The following ENPP2 variants were observed in gnomAD, a reference collection of about 807,000 sequenced individuals.
ENPP2 encodes the protein autotaxin.
ENPP2 carries 51 observed loss-of-function variants against 120.2 expected under a neutral mutation model. The ratio of observed to expected loss-of-function variants is 0.42; its 90% CI spans 0.34 to 0.54. The LOEUF (loss-of-function observed/expected upper bound fraction) is 0.54. ENPP2 is among the 20% of genes least tolerant of loss of function. The pLI, the probability that ENPP2 is intolerant of heterozygous loss-of-function variation, is 0.04. For missense variants in ENPP2, 920 were observed against 1,066.5 expected, an observed-to-expected ratio of 0.86 and a Z score of 1.91; for synonymous variants, 365 against 366.4, an observed-to-expected ratio of 1.00 and a Z score of 0.04.
intron 1 of ENPP2, among the ~76,000 whole-genome samples, chr8:119,644,657 T>G (rs1178636815): frequency 2.8e-5 from 4 of 140,546 alleles, no homozygotes; most frequent in Admixed American, 7.4e-5. Context: ...CATATAGATA[T>G]ATATATATAT....
upstream of ENPP2, chr8:119,638,996 C>T (rs1165932375): frequency 6.4e-6 from 1 of 157,310 alleles, no homozygotes; most frequent in East Asian, 1.9e-4. Context: ...CCCTTATCCC[C>T]GCCCCCTTAC....
chr8:119,603,482 G>A (rs997272492), intron 9 of ENPP2, among the ~76,000 whole-genome samples: 3 of 152,198 alleles, frequency 2.0e-5, no homozygotes, highest in Non-Finnish European at 4.4e-5. Context: ...TGAGGCCAGA[G>A]TGCTTGGGTT....
chr8:119,668,709 G>A (rs1818153809), intron 1 of ENPP2, among the ~76,000 whole-genome samples: 1 of 152,160 alleles, frequency 6.6e-6, no homozygotes, highest in African/African-American at 2.4e-5. Context: ...TTACAGGCAT[G>A]AGCCACTGCA....
intron 19 of ENPP2, among the ~76,000 whole-genome samples, chr8:119,577,548 G>A (rs1162696240): frequency 6.6e-6 from 1 of 152,250 alleles, no homozygotes; most frequent in Non-Finnish European, 1.5e-5. Flanking sequence ...AGGAGAAAGA[G>A]CATTGAGGTT....
chr8:119,661,585 G>T (rs1817922299), intron 1 of ENPP2, among the ~76,000 whole-genome samples: 1 of 152,154 alleles, frequency 6.6e-6, no homozygotes, highest in Admixed American at 6.5e-5. Context: ...GTAAATTAGT[G>T]CAATCATTAA....
chr8:119,645,878 GACC>G, intron 1 of ENPP2, among the ~76,000 whole-genome samples: 1 of 150,474 alleles, frequency 6.6e-6, no homozygotes, highest in Non-Finnish European at 1.5e-5. Context: ...TGTCCCCTCT[GACC>G]ACCATTTCAT....
rs1587441663 is a variant in ENPP2 at position 119,600,373 on chromosome 8, T to C, written c.972+305A>G. Among the ~76,000 whole-genome samples the C allele has an allele frequency of 3.9e-5, 6 of 152,294 alleles. 1 individual carries two copies. Among genetic ancestry groups the C allele is most frequent in the African/African-American group, 1.4e-4 (6 of 41,540 alleles). On this transcript the variant is annotated intron_variant, in intron 11 of 24. Coordinates refer to ENST00000075322, the MANE Select transcript of ENPP2 (RefSeq NM_001040092.3). ...TAGCCCATTGAAGGCAAATGCCAAC[T>C]CTTCCGAATTATTCACCCTCCAACT...
chr8:119,570,866 T>C, intron 19 of ENPP2, 25 bp from the exon 20 acceptor site: 1 of 1,467,966 alleles, frequency 6.8e-7, no homozygotes, highest in African/African-American at 1.5e-5. Flanking sequence ...AAATAAACTG[T>C]GTTAGGTGCA....
chr8:119,596,530 AG>A (rs1213876552), intron 11 of ENPP2, among the ~76,000 whole-genome samples: 2 of 151,948 alleles, frequency 1.3e-5, no homozygotes, highest in African/African-American at 4.8e-5. Context: ...TTCATTGGCA[AG>A]GATCCAGTGA....
chr8:119,634,781 G>A (rs1029392553), intron 2 of ENPP2, among the ~76,000 whole-genome samples: 2 of 151,996 alleles, frequency 1.3e-5, no homozygotes, highest in African/African-American at 4.8e-5. Flanking sequence ...TGATTTTATT[G>A]ATTCAAAAAT....
chr8:119,631,874 T>A (rs1816707572), intron 2 of ENPP2, among the ~76,000 whole-genome samples: 1 of 152,124 alleles, frequency 6.6e-6, no homozygotes, highest in African/African-American at 2.4e-5. Flanking sequence ...TCAGTATACT[T>A]GGAGTCTTCA....
chr8:119,660,431 A>G (rs573939976), intron 1 of ENPP2, among the ~76,000 whole-genome samples: 1 of 152,320 alleles, frequency 6.6e-6, no homozygotes, highest in East Asian at 1.9e-4. Context: ...CCAGAGCCTG[A>G]GCACTTTACC....
At chr8:119,625,999 C>T (rs368701313) in intron 3 of ENPP2, among the ~76,000 whole-genome samples, 13 of 151,850 alleles carry the variant, frequency 8.6e-5, no homozygotes, top group South Asian at 2.1e-4. Context: ...AGTTACTGTA[C>T]GATAAGATGA....
chr8:119,588,971 T>C (rs1813313308), intron 13 of ENPP2, among the ~76,000 whole-genome samples: 1 of 152,174 alleles, frequency 6.6e-6, no homozygotes, highest in South Asian at 2.1e-4. Context: ...TCCTCGAAGC[T>C]AGTTCCCTCA....
intron 4 of ENPP2, 135 bp downstream of exon 4, chr8:119,621,259 G>A (rs1315543293): frequency 1.4e-6 from 1 of 717,116 alleles, no homozygotes; most frequent in Admixed American, 2.5e-5. Context: ...AGAAGCATGA[G>A]AAATTAAAAA....
chr8:119,651,408 T>C lies in ENPP2; in HGVS notation c.22-12881A>G, dbSNP rs116082451. 9.7e-3 allele frequency among the ~76,000 whole-genome samples: 1,473 copies of C among 152,324 alleles called. 24 individuals carry two copies. The highest frequency in any genetic ancestry group is 0.034 in the African/African-American group (1,397 of 41,574). ...AGTGCATAATTTAATATTTATAAAA[T>C]CTTCACAGTATTATCATTGTGAATA... On this transcript the variant is annotated intron_variant, in intron 1 of 25. Transcript: ENST00000427067.
intron 1 of ENPP2, among the ~76,000 whole-genome samples, chr8:119,656,369 C>T (rs1181526433): frequency 1.3e-5 from 2 of 152,178 alleles, no homozygotes; most frequent in East Asian, 3.8e-4. Flanking sequence ...ACTGACAGAG[C>T]TGGGAGCGAT....
At chr8:119,673,162 C>A in intron 1 of ENPP2, 2 of 1,186,536 alleles carry the variant, frequency 1.7e-6, no homozygotes, top group Non-Finnish European at 2.4e-6. Flanking sequence ...CCTGGAGGCC[C>A]TTTGCAAGGT....
intron 24 of ENPP2, among the ~76,000 whole-genome samples, chr8:119,558,434 G>A (rs1448933254): frequency 6.6e-6 from 1 of 152,058 alleles, no homozygotes; most frequent in Non-Finnish European, 1.5e-5. Context: ...GAAGCGGGGG[G>A]AAAGGTAAAG....
Sources: allele counts gnomAD v4.1 joint callset (sites outside exome capture counted in the v4.1 genomes callset), GRCh38; gene constraint gnomAD v4.1.1; transcripts MANE v1.5; gene names NCBI Gene and HGNC (gene_info 2026-07-23, HGNC 2026-07-21).